The following RFX6 variants were observed in gnomAD, a reference collection of about 807,000 sequenced individuals.
The protein encoded by RFX6 is DNA-binding protein RFX6.
In RFX6, 50 loss-of-function variants were observed where a neutral mutation model predicts 110.8. The observed-to-expected ratio is 0.45, with a 90% CI of 0.36 to 0.57. The LOEUF (loss-of-function observed/expected upper bound fraction) is 0.57, where lower values mean the gene tolerates loss of function less well. Among genes scored for constraint, RFX6 ranks in the 20% least tolerant of loss-of-function variants. The pLI is 0.00. For missense variants in RFX6, 990 were observed against 1,127.0 expected (o/e 0.88, Z 1.74); for synonymous variants, 383 against 411.2 (o/e 0.93, Z 0.83).
At chr6:116,908,524 A>G (rs1775258316) in intron 6 of RFX6, among the ~76,000 whole-genome samples, 1 of 152,072 alleles carries the variant, frequency 6.6e-6, no homozygotes, top group Non-Finnish European at 1.5e-5. Flanking sequence ...AAACTCTGGT[A>G]TAGTGTTGAG....
At position 116,927,743 on chromosome 6, in the gene RFX6, C is replaced by CTTTTTTTTT. The variant is rs60638457; in HGVS notation, c.2398+215_2398+223dup. 4.6e-3 allele frequency among the ~76,000 whole-genome samples: 552 copies of CTTTTTTTTT among 119,444 alleles called. 13 individuals are homozygous for CTTTTTTTTT. Among genetic ancestry groups the CTTTTTTTTT allele is most frequent in the African/African-American group, 0.017 (530 of 30,976 alleles). 78.4% of individuals were successfully genotyped at this position (119,444 alleles called of 152,430 possible). ...GGCTTTCCTAAAGTTGCCCTTCTTC[C>CTTTTTTTTT]TTTTTTTTTTTTTTTTTTTGAGACA... On this transcript the variant is annotated intron_variant, in intron 17 of 18. Coordinates refer to ENST00000332958, the MANE Select transcript of RFX6 (RefSeq NM_173560.4).
chr6:116,931,700 G>T lies in RFX6; in HGVS notation c.*194G>T. On this transcript the variant is annotated 3_prime_UTR_variant, in exon 19 of 19. Coordinates refer to ENST00000332958, the MANE Select transcript of RFX6 (RefSeq NM_173560.4). ...GCAGAGCTTGTCATGCACACTAAGA[G>T]TTTAAAATGTGAGCTCATTATTAAT... is the stretch of plus-strand genomic sequence containing the variant. 1 of 525,706 alleles carries T rather than the reference G, an allele frequency of 1.9e-6. No individual in the cohort carries two copies. The highest frequency in any genetic ancestry group is 3.4e-6 in the Non-Finnish European group (1 of 298,032). The allele number at this position is 525,706 out of a possible 1,614,324, so 32.6% of individuals were successfully genotyped here. A position where few individuals can be genotyped will look rare whatever the true frequency, so the allele number is the denominator to read the frequency against.
At chr6:116,878,384 A>T (rs981005811) in intron 2 of RFX6, among the ~76,000 whole-genome samples, 1 of 152,216 alleles carries the variant, frequency 6.6e-6, no homozygotes, top group Non-Finnish European at 1.5e-5. Flanking sequence ...CAAATTAAAA[A>T]TAGTGTATAC....
intron 6 of RFX6, among the ~76,000 whole-genome samples, chr6:116,899,484 A>G (rs339349): frequency 0.89 from 136,169 of 152,160 alleles, 61,181 homozygotes; most frequent in South Asian, 0.97. Context: ...AATCTGCAGC[A>G]GAGTTTAGGT....
At position 116,916,265 on chromosome 6, in the gene RFX6, A is replaced by G. The variant is rs1415974722; in HGVS notation, c.923A>G (p.Asn308Ser). The change falls in exon 9 of 19, where the codon AAT (asparagine) becomes AGT (serine). Residue 308 changes from asparagine to serine, a missense_variant. This residue lies in a region of RFX6 where 243 missense variants were observed against 353.1 expected (regional missense o/e 0.69). Coordinates refer to ENST00000332958, the MANE Select transcript of RFX6 (RefSeq NM_173560.4). Reference protein sequence around the residue: ...MPDHLLPLLENPVIIDIFCVC... With the variant: ...MPDHLLPLLESPVIIDIFCVC... Reference sequence around the variant, plus strand: ...GACCATCTCCTTCCCCTGCTCGAAAATCCTGTTATCATTGATATTTTCTGT... The same window carrying G: ...GACCATCTCCTTCCCCTGCTCGAAAGTCCTGTTATCATTGATATTTTCTGT... The G allele has an allele frequency of 6.2e-7, 1 of 1,612,530 alleles. No individual in the cohort carries two copies. The highest frequency in any genetic ancestry group is 8.5e-7 in the Non-Finnish European group (1 of 1,179,228).
At chr6:116,923,015 T>G (rs1272235105) in intron 13 of RFX6, 92 bp from the exon 14 acceptor site, 2 of 778,280 alleles carry the variant, frequency 2.6e-6, no homozygotes, top group African/African-American at 3.4e-5. Context: ...GTCCATTTGT[T>G]AGACAGTCTA....
In RFX6 at chr6:116,931,980, G is replaced by T. The variant is rs762778951; in HGVS notation, c.*474G>T. ...TACCTCCAACGGAAATGTTTACAAG[G>T]TCAAGACTTAATTCAATTCAGACAA... On this transcript the variant is annotated 3_prime_UTR_variant, in exon 19 of 19. Coordinates refer to ENST00000332958, the MANE Select transcript of RFX6 (RefSeq NM_173560.4). The T allele has an allele frequency of 6.2e-6, 1 of 162,120 alleles. No individual in the cohort carries two copies. Among genetic ancestry groups the T allele is most frequent in the Non-Finnish European group, 1.4e-5 (1 of 74,054 alleles). The allele number at this position is 162,120 out of a possible 1,614,324, so 10.0% of individuals were successfully genotyped here.
chr6:116,891,017 T>C lies in RFX6; in HGVS notation c.567-2970T>C, dbSNP rs142642986. ...TGTATTAGTTAGGATTTATTTAGTC[T>C]TAAAATGTAGCAATTTTTTTAAAAT... On this transcript the variant is annotated intron_variant, in intron 4 of 18. Coordinates refer to ENST00000332958, the MANE Select transcript of RFX6 (RefSeq NM_173560.4). Among the ~76,000 whole-genome samples the C allele has an allele frequency of 2.7e-3, 414 of 152,328 alleles. 2 individuals carry two copies. Among genetic ancestry groups the C allele is most frequent in the African/African-American group, 9.4e-3 (391 of 41,580 alleles).
chr6:116,929,988 T>C (rs1161402936), intron 18 of RFX6, among the ~76,000 whole-genome samples: 1 of 152,252 alleles, frequency 6.6e-6, no homozygotes, highest in Non-Finnish European at 1.5e-5. Context: ...TCATTGCTTC[T>C]AGGTTACTCT....
chr6:116,909,290 G>GA (rs1394737699), intron 6 of RFX6, among the ~76,000 whole-genome samples: 1 of 152,008 alleles, frequency 6.6e-6, no homozygotes, highest in Non-Finnish European at 1.5e-5. Flanking sequence ...CCACACAAGA[G>GA]AAAAAATATA....
chr6:116,887,610 G>T (rs1454300171), intron 4 of RFX6, among the ~76,000 whole-genome samples: 2 of 152,188 alleles, frequency 1.3e-5, no homozygotes, highest in Non-Finnish European at 2.9e-5. Context: ...GGATAATAAT[G>T]AAGAATCATT....
intron 18 of RFX6, 65 bp from the exon 19 acceptor site, chr6:116,931,266 T>C: frequency 8.5e-7 from 1 of 1,176,544 alleles, no homozygotes; most frequent in South Asian, 1.2e-5. Context: ...TTAAAATGAG[T>C]GGCATTTGCA....
intron 4 of RFX6, chr6:116,885,080 T>A (rs904916340): frequency 2.6e-5 from 4 of 152,174 alleles, no homozygotes; most frequent in African/African-American, 9.7e-5. Context: ...GAAATATCCT[T>A]AGCTTTTATC....
Position 116,925,561 on chromosome 6 carries a change from A to T in RFX6, c.1787A>T (p.Glu596Val). The T allele has an allele frequency of 6.2e-7, 1 of 1,614,050 alleles. No homozygotes were observed. Among genetic ancestry groups the T allele is most frequent in the Non-Finnish European group, 8.5e-7 (1 of 1,179,896 alleles). Residue 596 changes from glutamate to valine, a missense_variant, in exon 16 of 19, where the codon GAG becomes GTG. Physicochemically the swap from Glu to Val is moderately radical, Grantham distance 121. Transcript: ENST00000332958. ...GCTGTGAAGAATGAAAGCCACGTGG[A>T]GACAACCTATCTCCCTCTGCCATCC... Reference protein sequence around the residue: ...SDAVKNESHVETTYLPLPSSQ... With the variant: ...SDAVKNESHVVTTYLPLPSSQ...
Position 116,927,583 on chromosome 6 carries a change from A to G in RFX6, c.2398+44A>G, listed in dbSNP as rs73563500. Reference sequence around the variant, plus strand: ...ATTTTTCTTGGTTTTTGAGATGGCAATGAGGCAAAATCAGACATTGCGTTC... The same window carrying G: ...ATTTTTCTTGGTTTTTGAGATGGCAGTGAGGCAAAATCAGACATTGCGTTC... On this transcript the variant is annotated intron_variant, in intron 17 of 18. Coordinates refer to ENST00000332958, the MANE Select transcript of RFX6 (RefSeq NM_173560.4). 3.0e-3 allele frequency: 4,592 copies of G among 1,542,370 alleles called. 110 individuals are homozygous for G. The African/African-American group carries it at 0.054, about 18-fold the overall frequency.
chr6:116,916,944 T>C (rs1339739336), intron 9 of RFX6, among the ~76,000 whole-genome samples: 1 of 152,122 alleles, frequency 6.6e-6, no homozygotes, highest in African/African-American at 2.4e-5. Context: ...TGTGGGTACT[T>C]TAAAGTGAGT....
chr6:116,885,642 C>CT (rs1186448076), intron 4 of RFX6, among the ~76,000 whole-genome samples: 1 of 152,076 alleles, frequency 6.6e-6, no homozygotes, highest in Non-Finnish European at 1.5e-5. Flanking sequence ...AAGCCTACTA[C>CT]TTTTTTTCCA....
intron 17 of RFX6, 117 bp from the exon 18 acceptor site, chr6:116,928,642 T>G (rs754760149): frequency 2.8e-5 from 21 of 744,128 alleles, no homozygotes; most frequent in South Asian, 2.7e-4. Flanking sequence ...TAGATACACA[T>G]GTAATACTTA....
intron 6 of RFX6, among the ~76,000 whole-genome samples, chr6:116,909,819 T>A (rs1775294645): frequency 7.4e-6 from 1 of 135,952 alleles, no homozygotes; most frequent in Non-Finnish European, 1.5e-5. Context: ...CGATCTTGGC[T>A]CACTGCAAGC....
Sources: gnomAD v4.1 joint callset for allele counts (sites outside exome capture counted in the v4.1 genomes callset) on GRCh38, gnomAD v4.1.1 for gene constraint, gnomAD v4.1.1 regional missense constraint, MANE v1.5 for transcripts, NCBI Gene and HGNC (gene_info 2026-07-23, HGNC 2026-07-21) for gene names.